SDK1: variants seen among roughly 807,000 people sequenced by gnomAD.
SDK1 encodes the protein sidekick cell adhesion molecule 1.
Under a neutral mutation model 245.5 loss-of-function variants are expected in SDK1, and 157 were observed. That is an observed-to-expected ratio of 0.64 (90% CI 0.56 to 0.73). The LOEUF is 0.73. Ranked by LOEUF, SDK1 falls within the 30% of genes least tolerant of loss-of-function variation. SDK1 has a pLI of 0.00. For missense variants in SDK1, 3,583 were observed against 3,002.3 expected, an observed-to-expected ratio of 1.19 and a Z score of -4.52; for synonymous variants, 1,647 against 1,278.5, an observed-to-expected ratio of 1.29 and a Z score of -6.15.
At chr7:3,331,150 G>C (rs374299825) in intron 1 of SDK1, among the ~76,000 whole-genome samples, 7 of 152,110 alleles carry the variant, frequency 4.6e-5, no homozygotes, top group African/African-American at 1.7e-4. Context: ...TGTAATCCTA[G>C]CTACTTGGGA....
rs368279674 is a variant in SDK1, at chr7:4,145,814, G to C, written c.4321G>C (p.Asp1441His). Reference protein sequence around the residue: ...GATVRQFTATDLAPESAYIFR... With the variant: ...GATVRQFTATHLAPESAYIFR... ...CACAGTGAGGCAGTTCACAGCCACC[G>C]ACCTGGCCCCGGAGTCCGCATACAT... Residue 1441 changes from aspartate to histidine, a missense_variant, in exon 29 of 45, where the codon GAC becomes CAC. By Grantham distance (81) the Asp-to-His change is moderately conservative (BLOSUM62 -1). Transcript: ENST00000404826. The C allele has an allele frequency of 3.1e-6, 5 of 1,613,802 alleles. No homozygotes were observed. In the Admixed American group the frequency reaches 8.3e-5, roughly 27 times the overall value.
In SDK1 at chr7:3,619,090, T is replaced by A; in HGVS notation, c.309T>A (p.Ala103=). 1.3e-6 allele frequency: 2 copies of A among 1,599,968 alleles called. No homozygotes were observed. The highest frequency in any genetic ancestry group is 1.7e-6 in the Non-Finnish European group (2 of 1,170,568). The change falls in exon 2 of 45, where the codon GCT becomes GCA. Residue 103 remains alanine (A), a synonymous_variant. Transcript: ENST00000404826. ...TTTTTAATATTTCAGATGATGTTGCTCCATATTTTAAAACGGAGCCAGGCC... is the reference window on the plus strand; with the variant it reads ...TTTTTAATATTTCAGATGATGTTGCACCATATTTTAAAACGGAGCCAGGCC... ...LLRALAQDDV[A]PYFKTEPGLP...
rs1405086307 is a variant in SDK1, at chr7:4,010,984, A to G, written c.2150A>G (p.His717Arg). 3.1e-6 allele frequency: 5 copies of G among 1,614,222 alleles called. No individual in the cohort carries two copies. The highest frequency in any genetic ancestry group is 1.3e-5 in the African/African-American group (1 of 75,064). ...LSENNSPWKV[H>R]LSNVGPEMTG... ...CTTTCAGACTCTCCATGGAAGGTGC[A>G]TCTGTCAAACGTTGGCCCTGAGATG... Residue 717 changes from histidine (H) to arginine (R), a missense_variant, in exon 15 of 45, where the codon CAT (histidine) becomes CGT (arginine). By Grantham distance (29) the His-to-Arg change is conservative. Coordinates refer to ENST00000404826, the MANE Select transcript of SDK1 (RefSeq NM_152744.4).
chr7:4,013,066 T>C (rs985683053), intron 16 of SDK1, among the ~76,000 whole-genome samples: 1 of 152,202 alleles, frequency 6.6e-6, no homozygotes, highest in Non-Finnish European at 1.5e-5. Flanking sequence ...AACTTTTAGA[T>C]GTTGGAAATG....
At chr7:3,350,029 C>G (rs905013134) in intron 1 of SDK1, among the ~76,000 whole-genome samples, 2 of 152,200 alleles carry the variant, frequency 1.3e-5, no homozygotes, top group African/African-American at 4.8e-5. Flanking sequence ...GTGCCTCTCA[C>G]ATTTATGCCT....
intron 1 of SDK1, among the ~76,000 whole-genome samples, chr7:3,578,530 G>A (rs1436399015): frequency 2.0e-5 from 3 of 151,968 alleles, no homozygotes; most frequent in East Asian, 1.9e-4. Context: ...ATCCTGGTAA[G>A]CCTGAGAGTA....
intron 4 of SDK1, among the ~76,000 whole-genome samples, chr7:3,719,225 G>C: frequency 6.7e-6 from 1 of 149,248 alleles, no homozygotes. Flanking sequence ...AGACTTTGGG[G>C]ATCAGAAAAC....
At chr7:4,066,120 G>A (rs918937833) in intron 19 of SDK1, among the ~76,000 whole-genome samples, 3 of 152,092 alleles carry the variant, frequency 2.0e-5, no homozygotes, top group Non-Finnish European at 2.9e-5. Context: ...CGGATGTCTC[G>A]TCTCTTCTCC....
chr7:3,913,233 G>A (rs748219187), intron 5 of SDK1, among the ~76,000 whole-genome samples: 16 of 151,982 alleles, frequency 1.1e-4, no homozygotes, highest in East Asian at 3.9e-4. Flanking sequence ...GATGGCTCCC[G>A]GTCTTCTTGC....
chr7:3,730,143 G>A (rs1251897808), intron 4 of SDK1, among the ~76,000 whole-genome samples: 1 of 152,122 alleles, frequency 6.6e-6, no homozygotes, highest in Admixed American at 6.6e-5. Context: ...CATTGCTGAT[G>A]AGGATCCCTT....
intron 14 of SDK1, among the ~76,000 whole-genome samples, chr7:3,995,708 C>T (rs1583770712): frequency 1.3e-5 from 2 of 152,260 alleles, no homozygotes; most frequent in South Asian, 2.1e-4. Context: ...GTTTGTGTTT[C>T]GACTGCTAGT....
At chr7:3,870,855 T>A (rs1780938071) in intron 5 of SDK1, among the ~76,000 whole-genome samples, 1 of 152,238 alleles carries the variant, frequency 6.6e-6, no homozygotes, top group South Asian at 2.1e-4. Context: ...ATGTTCTTAG[T>A]CTTCTCCAAA....
intron 43 of SDK1, 81 bp downstream of exon 43, chr7:4,241,994 C>T (rs79967809): frequency 0.023 from 34,646 of 1,518,020 alleles, 857 homozygotes; most frequent in South Asian, 0.1. Flanking sequence ...CCACTGGCAC[C>T]TCCTGCATCC....
At position 4,268,318 on chromosome 7, in the gene SDK1, C is replaced by G; in HGVS notation, c.*2934C>G. On this transcript the variant is annotated 3_prime_UTR_variant, in exon 45 of 45. Transcript: ENST00000404826. ...TCCTGGGGTGCCAGGGCAGAGATTCCAGGCAGGTGAGCCCAGAGAGAGCTG... is the reference window on the plus strand; with the variant it reads ...TCCTGGGGTGCCAGGGCAGAGATTCGAGGCAGGTGAGCCCAGAGAGAGCTG... The G allele has an allele frequency of 9.7e-7, 1 of 1,028,224 alleles. No homozygotes were observed. Among genetic ancestry groups the G allele is most frequent in the Non-Finnish European group, 1.2e-6 (1 of 855,314 alleles). The allele number at this position is 1,028,224 out of a possible 1,614,324, so 63.7% of individuals were successfully genotyped here. A position where few individuals can be genotyped will look rare whatever the true frequency, so the allele number is the denominator to read the frequency against.
rs573637762 is a variant in SDK1 at position 3,988,037 on chromosome 7, G to A, written c.2131+715G>A. Among the ~76,000 whole-genome samples the A allele has an allele frequency of 9.9e-5, 15 of 151,794 alleles. No individual in the cohort carries two copies. The South Asian group carries it at 3.1e-3, about 32-fold the overall frequency. On this transcript the variant is annotated intron_variant, in intron 14 of 44. Coordinates refer to ENST00000404826, the MANE Select transcript of SDK1 (RefSeq NM_152744.4). ...TTTGTATCCTTCACCCAGGATTCCA[G>A]GATCACTTATGGGGCCCAGCAACTT...
At chr7:3,640,074 C>G (rs745990932) in intron 3 of SDK1, among the ~76,000 whole-genome samples, 12 of 148,488 alleles carry the variant, frequency 8.1e-5, no homozygotes, top group Non-Finnish European at 1.5e-4. Context: ...CCAGGTTGGT[C>G]TCTAATGCCT....
chr7:3,429,178 C>T (rs1779760364), intron 1 of SDK1, among the ~76,000 whole-genome samples: 5 of 152,046 alleles, frequency 3.3e-5, no homozygotes, highest in African/African-American at 1.2e-4. Flanking sequence ...AACTGAGATA[C>T]ACAGATGGAC....
chr7:3,568,253 C>G (rs142546310), intron 1 of SDK1, among the ~76,000 whole-genome samples: 2 of 152,100 alleles, frequency 1.3e-5, no homozygotes, highest in Non-Finnish European at 2.9e-5. Context: ...AAATGCATAA[C>G]TTCATATGCA....
chr7:3,883,511 C>G (rs1366092456), intron 5 of SDK1, among the ~76,000 whole-genome samples: 1 of 152,134 alleles, frequency 6.6e-6, no homozygotes, highest in Non-Finnish European at 1.5e-5. Context: ...ACGTCGTTGC[C>G]AAAATGAGTT....
Sources: gnomAD v4.1 joint callset for allele counts (sites outside exome capture counted in the v4.1 genomes callset) on GRCh38, gnomAD v4.1.1 for gene constraint, MANE v1.5 for transcripts, NCBI Gene and HGNC (gene_info 2026-07-23, HGNC 2026-07-21) for gene names.